The following MSH6 variants were observed in gnomAD, a reference collection of about 807,000 sequenced individuals.
MSH6 encodes mutS homolog 6.
Under a neutral mutation model 119.1 loss-of-function variants are expected in MSH6, and 85 were observed. The observed-to-expected ratio is 0.71, with a 90% confidence interval of 0.60 to 0.85. MSH6 has a LOEUF of 0.85. Ranked by LOEUF, MSH6 falls within the 40% of genes least tolerant of loss-of-function variation. The probability of loss-of-function intolerance (pLI) is 0.00; values close to 1 mark genes in which losing one functional copy is unlikely to be tolerated. For synonymous variants in MSH6, 830 were observed against 586.9 expected (o/e 1.41, Z -5.99); for missense variants, 2,163 against 1,655.3 (o/e 1.31, Z -5.32).
chr2:47,796,568 CTT>C (rs879612700), intron 3 of MSH6, among the ~76,000 whole-genome samples: 1 of 152,142 alleles, frequency 6.6e-6, no homozygotes, highest in South Asian at 2.1e-4. Context: ...AATTCTAAAA[CTT>C]TTTTTGTTGT....
At chr2:47,784,215 G>C (rs1668206472) in intron 1 of MSH6, 1 of 1,003,676 alleles carries the variant, frequency 1.0e-6, no homozygotes. Flanking sequence ...GAGCCGAAGT[G>C]CTGGGATCCG....
At chr2:47,807,988 A>T, downstream of MSH6, 2 of 819,478 alleles carry the variant, frequency 2.4e-6, no homozygotes, top group Non-Finnish European at 3.8e-6. Flanking sequence ...CATAGTGTCA[A>T]CTGACCTTGT....
In MSH6 at chr2:47,806,264, C is replaced by CTGAGACTATAAAAT; in HGVS notation, c.3708_3721dup (p.Cys1241LeufsTer4). 6.2e-7 allele frequency: 1 copy of CTGAGACTATAAAAT among 1,614,040 alleles called. No individual in the cohort carries two copies. ...GCAAATGCAGTTGTTAAAGAACTTG[C>CTGAGACTATAAAAT]TGAGACTATAAAATGTCGTACATTA... On this transcript the variant is annotated frameshift_variant, in exon 8 of 10. Coordinates refer to ENST00000234420, the MANE Select transcript of MSH6 (RefSeq NM_000179.3). LOFTEE classifies it high-confidence loss of function.
intron 2 of MSH6, among the ~76,000 whole-genome samples, chr2:47,795,484 G>A (rs774686348): frequency 7.6e-6 from 1 of 132,210 alleles, no homozygotes; most frequent in Admixed American, 8.0e-5. Flanking sequence ...TTTTTTCATC[G>A]AGACAGGGTC....
intron 3 of MSH6, among the ~76,000 whole-genome samples, chr2:47,797,110 T>C (rs1003975906): frequency 2.0e-5 from 3 of 150,788 alleles, no homozygotes; most frequent in Non-Finnish European, 2.9e-5. Context: ...ATTTTGTGAT[T>C]TGTTGTTGTT....
chr2:47,785,991 G>A (rs1461916062), intron 1 of MSH6, among the ~76,000 whole-genome samples: 1 of 152,172 alleles, frequency 6.6e-6, no homozygotes, highest in Non-Finnish European at 1.5e-5. Context: ...TCACTCTGCC[G>A]AGCACAGCAT....
rs2229018 is a variant in MSH6 at position 47,806,502 on chromosome 2, G to C, written c.3852G>C (p.Thr1284=). Residue 1284 remains threonine, a synonymous_variant, in exon 9 of 10, where the codon ACG becomes ACC. Coordinates refer to ENST00000234420, the MANE Select transcript of MSH6 (RefSeq NM_000179.3). ...ECEDPSQETI[T]FLYKFIKGAC... Reference sequence around the variant, plus strand: ...AAGACCCCAGCCAGGAGACTATTACGTTCCTCTATAAATTCATTAAGGGAG... The same window carrying C: ...AAGACCCCAGCCAGGAGACTATTACCTTCCTCTATAAATTCATTAAGGGAG... 1 of 1,613,974 alleles carries C rather than the reference G, an allele frequency of 6.2e-7. No individual in the cohort carries two copies. The highest frequency in any genetic ancestry group is 1.1e-5 in the South Asian group (1 of 91,084).
Position 47,806,807 on chromosome 2 carries a change from ACTGTAGATG to A in MSH6, c.4034_4042del (p.Val1345_Ala1347del), listed in dbSNP as rs864622703. ...AGTTTGCCTGGCTAGTGAAAGGTCAACTGTAGATGCTGAAGCTGTCCATAAATTGCTGAC... is the reference window on the plus strand; with the variant it reads ...AGTTTGCCTGGCTAGTGAAAGGTCAACTGAAGCTGTCCATAAATTGCTGAC... On this transcript the variant is annotated inframe_deletion, in exon 10 of 10. Coordinates refer to ENST00000234420, the MANE Select transcript of MSH6 (RefSeq NM_000179.3). 4 of 1,610,792 alleles carry A rather than the reference ACTGTAGATG, an allele frequency of 2.5e-6. No individual in the cohort carries two copies. Among genetic ancestry groups the A allele is most frequent in the Non-Finnish European group, 3.4e-6 (4 of 1,178,706 alleles).
chr2:47,801,328 C>T, intron 4 of MSH6, 173 bp downstream of exon 4: 27 of 311,860 alleles, frequency 8.7e-5, no homozygotes, highest in South Asian at 1.9e-4. Flanking sequence ...TTGAAACTCG[C>T]TTTTATCTTA....
Position 47,783,182 on chromosome 2 carries a change from T to C in MSH6, c.-52T>C, listed in dbSNP as rs2103927841. The C allele has an allele frequency of 1.2e-6, 2 of 1,603,872 alleles. No homozygotes were observed. The highest frequency in any genetic ancestry group is 1.7e-6 in the Non-Finnish European group (2 of 1,176,502). ...AGCAGGAGCCGCGCGGTAGATGCGG[T>C]GCTTTTAGGAGCTCCGTCCGACAGA... On this transcript the variant is annotated 5_prime_UTR_variant, in exon 1 of 10. Transcript: ENST00000234420.
chr2:47,785,898 C>T (rs1668320954), intron 1 of MSH6, among the ~76,000 whole-genome samples: 3 of 152,176 alleles, frequency 2.0e-5, no homozygotes, highest in Admixed American at 2.0e-4. Flanking sequence ...TACATTTCAC[C>T]TCCCGTTATG....
Position 47,799,020 on chromosome 2 carries a change from C to G in MSH6, c.1037C>G (p.Ser346Cys), listed in dbSNP as rs567785169. 12 of 1,614,198 alleles carry G rather than the reference C, an allele frequency of 7.4e-6. No individual in the cohort carries two copies. In the East Asian group the frequency reaches 1.6e-4, roughly 21 times the overall value. The change falls in exon 4 of 10, where the codon TCT becomes TGT. Residue 346 changes from serine (S) to cysteine (C), a missense_variant. Ser to Cys is a moderately radical substitution (Grantham distance 112). Transcript: ENST00000234420. The stretch of plus-strand genomic sequence containing the variant: ...AGAGCTTTCTCTGCCCCTCAAAATT[C>G]TGAATCCCAAGCCCACGTTAGTGGA... ...TLRAFSAPQN[S>C]ESQAHVSGGG...
rs138143769 is a variant in MSH6 at position 47,798,967 on chromosome 2, C to G, written c.984C>G (p.Ser328Arg). ...CCTCAGCCACCAAACAAGCAACTAG[C>G]ATTTCATCAGAAACCAAGAATACTT... ...ETPSATKQAT[S>R]ISSETKNTLR... The change falls in exon 4 of 10, where the codon AGC (serine) becomes AGG (arginine). Residue 328 changes from serine (S) to arginine (R), a missense_variant. By Grantham distance (110) the Ser-to-Arg change is moderately radical. Transcript: ENST00000234420. 6.2e-7 allele frequency: 1 copy of G among 1,614,212 alleles called. No individual in the cohort carries two copies. Among genetic ancestry groups the G allele is most frequent in the Admixed American group, 1.7e-5 (1 of 60,018 alleles).
In MSH6 at chr2:47,804,918, A is replaced by C. The variant is rs876660151; in HGVS notation, c.3447A>C (p.Leu1149Phe). Residue 1149 changes from leucine to phenylalanine, a missense_variant, in exon 6 of 10, where the codon TTA becomes TTC. Coordinates refer to ENST00000234420, the MANE Select transcript of MSH6 (RefSeq NM_000179.3). ...TCCTCCCTCATTCACAGGCTGGCTT[A>C]TTAGCTGTAATGGCCCAGATGGGTT... ...GKSTLMRQAG[L>F]LAVMAQMGCY... is the part of the protein sequence containing the mutation. 6.2e-7 allele frequency: 1 copy of C among 1,613,706 alleles called. No individual in the cohort carries two copies. The highest frequency in any genetic ancestry group is 1.3e-5 in the African/African-American group (1 of 74,940).
rs63750462 is a variant in MSH6, at chr2:47,799,851, C to G, written c.1868C>G (p.Pro623Arg). ...LSCSLQEGLI[P>R]GSQFWDASKT... ...TGTTCTCTTCAGGAAGGTCTGATACCCGGCTCCCAGTTTTGGGATGCATCC... is the reference window on the plus strand; with the variant it reads ...TGTTCTCTTCAGGAAGGTCTGATACGCGGCTCCCAGTTTTGGGATGCATCC... The change falls in exon 4 of 10, where the codon CCC becomes CGC. Residue 623 changes from proline (P) to arginine (R), a missense_variant. Physicochemically the swap from Pro to Arg is moderately radical, Grantham distance 103. Coordinates refer to ENST00000234420, the MANE Select transcript of MSH6 (RefSeq NM_000179.3). The G allele has an allele frequency of 5.0e-6, 8 of 1,614,032 alleles. No individual in the cohort carries two copies. The highest frequency in any genetic ancestry group is 6.8e-6 in the Non-Finnish European group (8 of 1,180,002).
downstream of MSH6, chr2:47,807,167 G>A (rs1670269504): frequency 3.5e-6 from 1 of 287,770 alleles, no homozygotes; most frequent in Non-Finnish European, 6.5e-6. Context: ...ACTTGTCTCA[G>A]CTTAATGCAG....
At chr2:47,783,657 C>G in intron 1 of MSH6, 164 bp downstream of exon 1, 1 of 677,238 alleles carries the variant, frequency 1.5e-6, no homozygotes, top group Non-Finnish European at 2.2e-6. Context: ...GGGGTCGAGT[C>G]TGGAGCATTT....
intron 1 of MSH6, among the ~76,000 whole-genome samples, chr2:47,785,461 A>C (rs1223063776): frequency 6.7e-6 from 1 of 148,234 alleles, no homozygotes; most frequent in Non-Finnish European, 1.5e-5. Flanking sequence ...CAAGTGGTCC[A>C]CCCACTTCAG....
chr2:47,808,025 CTGTAGCATGGGCAAATATTTT>C, downstream of MSH6: 1 of 1,166,086 alleles, frequency 8.6e-7, no homozygotes, highest in Non-Finnish European at 1.2e-6. Context: ...CAGTCTCTTC[CTGTAGCATGGGCAAATATTTT>C]AAATCTTCTT....
Sources: gnomAD v4.1 joint callset for allele counts (sites outside exome capture counted in the v4.1 genomes callset) on GRCh38, gnomAD v4.1.1 for gene constraint, MANE v1.5 for transcripts, NCBI Gene and HGNC (gene_info 2026-07-23, HGNC 2026-07-21) for gene names.